SLC22A23: variants seen among roughly 807,000 people sequenced by gnomAD.
The protein encoded by SLC22A23 is solute carrier family 22 member 23, also known as ion transporter protein.
A neutral mutation model predicts 61.0 loss-of-function variants in SLC22A23; 26 were observed. That is an observed-to-expected ratio of 0.43 (90% CI 0.31 to 0.59). The LOEUF is 0.59. Among genes scored for constraint, SLC22A23 ranks in the 20% least tolerant of loss-of-function variants. SLC22A23 has a pLI of 0.11. For synonymous variants in SLC22A23, 430 were observed against 413.9 expected (o/e 1.04, Z -0.47); for missense variants, 796 against 934.7 (o/e 0.85, Z 1.94).
At chr6:3,421,273 C>G (rs1417820505) in intron 1 of SLC22A23, among the ~76,000 whole-genome samples, 3 of 152,178 alleles carry the variant, frequency 2.0e-5, no homozygotes, top group Admixed American at 2.0e-4. Context: ...CAGCACATTA[C>G]TTTAAATGGG....
At chr6:3,306,821 G>A (rs577233409) in intron 4 of SLC22A23, among the ~76,000 whole-genome samples, 1 of 152,312 alleles carries the variant, frequency 6.6e-6, no homozygotes, top group East Asian at 1.9e-4. Context: ...CTTCTAAAGA[G>A]CCGTTCAGGA....
At chr6:3,438,955 G>C (rs1771403522) in intron 1 of SLC22A23, among the ~76,000 whole-genome samples, 1 of 152,232 alleles carries the variant, frequency 6.6e-6, no homozygotes, top group Non-Finnish European at 1.5e-5. Flanking sequence ...TTAAAGAGCA[G>C]AGGTCCCACT....
At chr6:3,290,527 T>TG (rs995200908) in intron 5 of SLC22A23, 1 of 153,614 alleles carries the variant, frequency 6.5e-6, no homozygotes, top group Non-Finnish European at 1.5e-5. Flanking sequence ...CAGAAGTCCT[T>TG]GGGGGCTGGA....
At chr6:3,339,945 C>T (rs1284775675) in intron 3 of SLC22A23, among the ~76,000 whole-genome samples, 1 of 152,202 alleles carries the variant, frequency 6.6e-6, no homozygotes, top group African/African-American at 2.4e-5. Context: ...GGAATCCTCT[C>T]TTGGGGTCTG....
chr6:3,406,703 A>G (rs778796401), intron 3 of SLC22A23, among the ~76,000 whole-genome samples: 1 of 152,164 alleles, frequency 6.6e-6, no homozygotes, highest in African/African-American at 2.4e-5. Context: ...GCTCTTGCCA[A>G]TGTGCACTCT....
In SLC22A23 at chr6:3,317,172, C is replaced by T. The variant is rs942547281; in HGVS notation, c.1082+6662G>A. ...GGAAACTTGATGTCACCCTGTCCCA[C>T]GTATTACCTTCCTGATCTTCCATGC... On this transcript the variant is annotated intron_variant, in intron 4 of 9. Coordinates refer to ENST00000406686, the MANE Select transcript of SLC22A23 (RefSeq NM_015482.2). This position sits in a 1 kb window ranked among gnomAD's most constrained non-coding sequence, Gnocchi z 4.4. Among the ~76,000 whole-genome samples, 4 of 152,190 alleles carry T rather than the reference C, an allele frequency of 2.6e-5. No homozygotes were observed. The highest frequency in any genetic ancestry group is 9.7e-5 in the African/African-American group (4 of 41,438).
chr6:3,427,732 A>G lies in SLC22A23; in HGVS notation c.655-11877T>C, dbSNP rs551433081. Among the ~76,000 whole-genome samples the G allele has an allele frequency of 1.3e-5, 2 of 149,988 alleles. No homozygotes were observed. Among genetic ancestry groups the G allele is most frequent in the African/African-American group, 4.9e-5 (2 of 40,428 alleles). On this transcript the variant is annotated intron_variant, in intron 1 of 9. Coordinates refer to ENST00000406686, the MANE Select transcript of SLC22A23 (RefSeq NM_015482.2). This position sits in a 1 kb window ranked among gnomAD's most constrained non-coding sequence, Gnocchi z 4.3. ...AATATACTATTTTTCTGACCAAAAG[A>G]AAAAAAAAAGTAGGATGGTTCTCAA...
chr6:3,279,533 A>AAAAAAAAAAAAAAAAAAC (rs1759237972), intron 9 of SLC22A23, among the ~76,000 whole-genome samples: 1 of 147,462 alleles, frequency 6.8e-6, no homozygotes, highest in Non-Finnish European at 1.5e-5. Flanking sequence ...AAAAAAAAAA[A>AAAAAAAAAAAAAAAAAAC]AAATCCTTGA....
At chr6:3,299,215 T>C (rs1382231686) in intron 4 of SLC22A23, among the ~76,000 whole-genome samples, 2 of 152,232 alleles carry the variant, frequency 1.3e-5, no homozygotes, top group Non-Finnish European at 2.9e-5. Context: ...AATCAGTGTA[T>C]ACCTTTCAAA....
intron 1 of SLC22A23, among the ~76,000 whole-genome samples, chr6:3,446,829 A>G (rs772982033): frequency 1.1e-4 from 17 of 152,118 alleles, no homozygotes; most frequent in Non-Finnish European, 2.1e-4. Flanking sequence ...CTCACTCCAC[A>G]TGCCCTCCAT....
chr6:3,429,943 G>A (rs2127538863), intron 1 of SLC22A23, among the ~76,000 whole-genome samples: 1 of 152,262 alleles, frequency 6.6e-6, no homozygotes, highest in East Asian at 1.9e-4. Context: ...CTTCAGCTTG[G>A]GAAGATGAAA....
At chr6:3,299,760 G>A (rs953839372) in intron 4 of SLC22A23, among the ~76,000 whole-genome samples, 1 of 152,090 alleles carries the variant, frequency 6.6e-6, no homozygotes, top group African/African-American at 2.4e-5. Flanking sequence ...TATGGGAGTG[G>A]GTGTGGCTAT....
intron 9 of SLC22A23, chr6:3,282,189 G>T (rs375205167): frequency 4.1e-5 from 29 of 702,518 alleles, no homozygotes; most frequent in East Asian, 3.8e-4. Context: ...ACTTGGCTTT[G>T]CTGTTTTGTT....
At chr6:3,278,681 A>G (rs576314109) in intron 9 of SLC22A23, among the ~76,000 whole-genome samples, 1 of 152,374 alleles carries the variant, frequency 6.6e-6, no homozygotes, top group South Asian at 2.1e-4. Flanking sequence ...GAAATGAGCA[A>G]TAAGACCAAA....
At chr6:3,321,591 C>A (rs1048348691) in intron 4 of SLC22A23, among the ~76,000 whole-genome samples, 16 of 150,976 alleles carry the variant, frequency 1.1e-4, no homozygotes, top group African/African-American at 1.7e-4. Context: ...AAAAAAAAAA[C>A]AAAACAAAAA....
chr6:3,327,546 T>C lies in SLC22A23; in HGVS notation c.914-3544A>G, dbSNP rs532158704. On this transcript the variant is annotated intron_variant, in intron 3 of 9. Coordinates refer to ENST00000406686, the MANE Select transcript of SLC22A23 (RefSeq NM_015482.2). This position sits in a 1 kb window ranked among gnomAD's most constrained non-coding sequence, Gnocchi z 4.1. ...GCTGTGGTTAAAAGCCTGGACTCCG[T>C]AGCTAGAGTGCCCAAGTTCAAATCC... is the stretch of plus-strand genomic sequence containing the variant. Among the ~76,000 whole-genome samples the C allele has an allele frequency of 2.6e-5, 4 of 152,334 alleles. No individual in the cohort carries two copies. Among genetic ancestry groups the C allele is most frequent in the African/African-American group, 9.6e-5 (4 of 41,580 alleles).
intron 1 of SLC22A23, chr6:3,438,540 C>T (rs1418098820): frequency 2.2e-6 from 1 of 456,632 alleles, no homozygotes; most frequent in African/African-American, 2.0e-5. Flanking sequence ...GCTCCAGTTT[C>T]CTGCTGCTGA....
At chr6:3,441,579 C>T (rs547720457) in intron 1 of SLC22A23, among the ~76,000 whole-genome samples, 4 of 152,142 alleles carry the variant, frequency 2.6e-5, no homozygotes, top group Non-Finnish European at 5.9e-5. Context: ...AGCTCAGATG[C>T]CACAGCCCCC....
intron 5 of SLC22A23, among the ~76,000 whole-genome samples, chr6:3,292,657 C>T (rs1032577685): frequency 4.6e-5 from 7 of 152,230 alleles, no homozygotes; most frequent in Admixed American, 2.0e-4. Context: ...CCCGTGTGGT[C>T]GGGGCTGAGG....
Sources: allele counts gnomAD v4.1 joint callset (sites outside exome capture counted in the v4.1 genomes callset), GRCh38; gene constraint gnomAD v4.1.1; non-coding constraint Gnocchi (gnomAD v3.1); transcripts MANE v1.5; gene names NCBI Gene and HGNC (gene_info 2026-07-23, HGNC 2026-07-21).